C16orf74: variants seen among roughly 807,000 people sequenced by gnomAD.
C16orf74 encodes the protein calcimembrin.
Under a neutral mutation model 6.5 loss-of-function variants are expected in C16orf74, and 10 were observed. The observed-to-expected ratio is 1.54, with a 90% confidence interval of 0.95 to 2.61. The LOEUF is 2.61. Ranked by LOEUF, C16orf74 falls within the 30% of genes most tolerant of loss-of-function variation. C16orf74 has a pLI of 0.00. For synonymous variants in C16orf74, 60 were observed against 42.5 expected (o/e 1.41, Z -1.60); for missense variants, 141 against 105.9 (o/e 1.33, Z -1.45).
At chr16:85,731,402 T>G (rs1215024728) in intron 2 of C16orf74, among the ~76,000 whole-genome samples, 1 of 152,222 alleles carries the variant, frequency 6.6e-6, no homozygotes, top group Non-Finnish European at 1.5e-5. Context: ...AGCTGGGATT[T>G]GAACCCAGGG....
chr16:85,730,613 C>T (rs901809912), intron 2 of C16orf74, among the ~76,000 whole-genome samples: 2 of 133,754 alleles, frequency 1.5e-5, no homozygotes, highest in Admixed American at 1.7e-4. Context: ...GCCAACTAAA[C>T]CCCCAAGACC....
intron 2 of C16orf74, among the ~76,000 whole-genome samples, chr16:85,722,498 C>T (rs574562109): frequency 1.2e-4 from 19 of 152,310 alleles, no homozygotes; most frequent in African/African-American, 3.1e-4. Flanking sequence ...CATTCAGGAG[C>T]GGAAGCGGCA....
chr16:85,709,371 CA>C (rs2053944257), intron 3 of C16orf74, among the ~76,000 whole-genome samples: 1 of 152,004 alleles, frequency 6.6e-6, no homozygotes, highest in African/African-American at 2.4e-5. Context: ...TAAATAAATA[CA>C]AATAATAAAA....
At position 85,734,009 on chromosome 16, in the gene C16orf74, G is replaced by A. The variant is rs150975513; in HGVS notation, c.28+1181C>T. Among the ~76,000 whole-genome samples, 128 of 152,296 alleles carry A rather than the reference G, an allele frequency of 8.4e-4. 2 individuals are homozygous for A. Among genetic ancestry groups the A allele is most frequent in the African/African-American group, 2.8e-3 (117 of 41,558 alleles). ...CTCCCAGCCTGGGAATCTGAAGGGTGGTCCATTCATCCCGGCTCCCAGCAG... is the reference window on the plus strand; with the variant it reads ...CTCCCAGCCTGGGAATCTGAAGGGTAGTCCATTCATCCCGGCTCCCAGCAG... On this transcript the variant is annotated intron_variant, in intron 2 of 3. Transcript: ENST00000284245.
At chr16:85,713,060 A>G (rs747626024) in intron 2 of C16orf74, among the ~76,000 whole-genome samples, 1 of 152,110 alleles carries the variant, frequency 6.6e-6, no homozygotes, top group Non-Finnish European at 1.5e-5. Context: ...ATGGACATTC[A>G]TTGTCTTATA....
At chr16:85,711,552 G>A (rs2053970215) in intron 2 of C16orf74, among the ~76,000 whole-genome samples, 1 of 150,634 alleles carries the variant, frequency 6.6e-6, no homozygotes, top group Non-Finnish European at 1.5e-5. Flanking sequence ...GAATCCGGGA[G>A]GCGGAGGTTG....
chr16:85,719,120 A>T (rs2054053643), intron 2 of C16orf74, among the ~76,000 whole-genome samples: 1 of 152,160 alleles, frequency 6.6e-6, no homozygotes, highest in South Asian at 2.1e-4. Context: ...GAGCCAGCTT[A>T]TGTCACCCTC....
At chr16:85,713,934 T>C (rs897928526) in intron 2 of C16orf74, among the ~76,000 whole-genome samples, 1 of 152,106 alleles carries the variant, frequency 6.6e-6, no homozygotes, top group African/African-American at 2.4e-5. Context: ...TTAACCTGGG[T>C]CCCTTCCCTG....
chr16:85,729,831 G>A (rs1334975722), intron 2 of C16orf74, among the ~76,000 whole-genome samples: 1 of 152,194 alleles, frequency 6.6e-6, no homozygotes, highest in Non-Finnish European at 1.5e-5. Context: ...GAGGCAGGAA[G>A]GTTCCTCCTT....
intron 2 of C16orf74, among the ~76,000 whole-genome samples, chr16:85,727,696 C>T (rs1057179855): frequency 6.6e-6 from 1 of 152,006 alleles, no homozygotes; most frequent in Non-Finnish European, 1.5e-5. Flanking sequence ...TGCCTGTAGT[C>T]CTAGCTACTT....
intron 1 of C16orf74, among the ~76,000 whole-genome samples, chr16:85,736,687 T>C (rs919056041): frequency 6.6e-6 from 1 of 152,160 alleles, no homozygotes; most frequent in Non-Finnish European, 1.5e-5. Flanking sequence ...CTGGGCCAGG[T>C]CCCAGCTTGG....
At chr16:85,711,623 CAAAAAAAAA>C (rs57336507) in intron 2 of C16orf74, among the ~76,000 whole-genome samples, 7 of 111,046 alleles carry the variant, frequency 6.3e-5, no homozygotes, top group Admixed American at 9.9e-5. Flanking sequence ...AACTCTGTCT[CAAAAAAAAA>C]AAAAAAAAAA....
rs201581075 is a variant in C16orf74 at position 85,714,364 on chromosome 16, C to G, written c.29-4057G>C. On this transcript the variant is annotated intron_variant, in intron 2 of 3. Coordinates refer to ENST00000284245, the MANE Select transcript of C16orf74 (RefSeq NM_206967.3). ...CTTCTGAACCCCAACACTGTTTCCT[C>G]CTTTGGAAGACCTATTATTTATTTA... Among the ~76,000 whole-genome samples, 25 of 151,196 alleles carry G rather than the reference C, an allele frequency of 1.7e-4. No homozygotes were observed. In the East Asian group the frequency reaches 3.7e-3, roughly 22 times the overall value.
At chr16:85,719,965 C>T (rs1001372412) in intron 2 of C16orf74, among the ~76,000 whole-genome samples, 4 of 152,138 alleles carry the variant, frequency 2.6e-5, no homozygotes, top group Admixed American at 2.0e-4. Context: ...ACTAATCCCT[C>T]AGAGATGACC....
intron 2 of C16orf74, among the ~76,000 whole-genome samples, chr16:85,718,462 C>G (rs1159401560): frequency 6.6e-6 from 1 of 152,236 alleles, no homozygotes; most frequent in Non-Finnish European, 1.5e-5. Context: ...CACCATCACA[C>G]ACACACAGGG....
intron 2 of C16orf74, among the ~76,000 whole-genome samples, chr16:85,718,267 GC>G (rs1265993517): frequency 6.6e-6 from 1 of 151,874 alleles, no homozygotes; most frequent in Non-Finnish European, 1.5e-5. Context: ...TAGAGACAGG[GC>G]CTCATTATAT....
At chr16:85,742,583 C>A (rs932617914) in intron 1 of C16orf74, among the ~76,000 whole-genome samples, 1 of 152,104 alleles carries the variant, frequency 6.6e-6, no homozygotes, top group Non-Finnish European at 1.5e-5. Flanking sequence ...CTCTTTTTGC[C>A]CAGGCTAGAC....
chr16:85,710,884 T>C (rs2053962743), intron 2 of C16orf74: 1 of 152,370 alleles, frequency 6.6e-6, no homozygotes, highest in Admixed American at 6.5e-5. Context: ...CACTCATTCA[T>C]CAATGAATGA....
chr16:85,738,886 C>G (rs1035953388), intron 1 of C16orf74, among the ~76,000 whole-genome samples: 1 of 152,160 alleles, frequency 6.6e-6, no homozygotes, highest in South Asian at 2.1e-4. Flanking sequence ...CTGTCCCCAT[C>G]TCACAGGAAA....
Sources: allele counts gnomAD v4.1 joint callset (sites outside exome capture counted in the v4.1 genomes callset), GRCh38; gene constraint gnomAD v4.1.1; transcripts MANE v1.5; gene names NCBI Gene and HGNC (gene_info 2026-07-23, HGNC 2026-07-21).